RGS8: variants seen among roughly 807,000 people sequenced by gnomAD.
The protein encoded by RGS8 is regulator of G protein signaling 8, also known as regulator of G-protein signaling 8.
Under a neutral mutation model 21.7 loss-of-function variants are expected in RGS8, and 8 were observed. That is an observed-to-expected ratio of 0.37 (90% confidence interval 0.22 to 0.66). The LOEUF (loss-of-function observed/expected upper bound fraction) is 0.66, where lower values mean the gene tolerates loss of function less well. RGS8 is among the 30% of genes least tolerant of loss of function. RGS8 has a pLI of 0.59. For missense variants in RGS8, 157 were observed against 217.9 expected (o/e 0.72, Z 1.76); for synonymous variants, 80 against 83.6 (o/e 0.96, Z 0.24).
chr1:182,670,820 T>A (rs1202146513), intron 2 of RGS8, among the ~76,000 whole-genome samples: 1 of 152,200 alleles, frequency 6.6e-6, no homozygotes, highest in East Asian at 1.9e-4. Context: ...CGGATTGTGT[T>A]CCCTGGCTGC....
chr1:182,670,631 T>C (rs1664111742), intron 2 of RGS8, among the ~76,000 whole-genome samples: 3 of 152,212 alleles, frequency 2.0e-5, no homozygotes, highest in Non-Finnish European at 4.4e-5. Context: ...CTAATTTAGA[T>C]AGATAAGACT....
the RGS8 span, among the ~76,000 whole-genome samples, chr1:182,710,412 G>A: frequency 3.4e-4 from 51 of 152,190 alleles, no homozygotes; most frequent in Admixed American, 8.5e-4. Flanking sequence ...CTCTATTCCT[G>A]AGCATAACCC....
chr1:182,709,847 C>A, the RGS8 span, among the ~76,000 whole-genome samples: 11 of 152,302 alleles, frequency 7.2e-5, no homozygotes, highest in East Asian at 1.9e-3. Flanking sequence ...TAAAAATTAC[C>A]TATCCCTTAG....
At chr1:182,666,438 T>C (rs777705339) in intron 4 of RGS8, among the ~76,000 whole-genome samples, 18 of 152,226 alleles carry the variant, frequency 1.2e-4, no homozygotes, top group Non-Finnish European at 2.4e-4. Context: ...CATTACATAG[T>C]TGTGTGAGGG....
chr1:182,720,811 G>T, the RGS8 span, among the ~76,000 whole-genome samples: 1 of 150,754 alleles, frequency 6.6e-6, no homozygotes, highest in Non-Finnish European at 1.5e-5. Context: ...GTGATTGCGT[G>T]CATGTATGTG....
the RGS8 span, among the ~76,000 whole-genome samples, chr1:182,742,753 C>G: frequency 1.3e-5 from 2 of 151,418 alleles, no homozygotes; most frequent in South Asian, 4.2e-4. Context: ...GGGAGAGGGA[C>G]AGGGACAGGG....
intron 1 of RGS8, among the ~76,000 whole-genome samples, chr1:182,679,661 T>A (rs894389817): frequency 6.6e-6 from 1 of 152,096 alleles, no homozygotes; most frequent in African/African-American, 2.4e-5. Flanking sequence ...CACCAATAGC[T>A]CCCAATCATG....
chr1:182,651,918 G>T (rs543210114), intron 5 of RGS8, among the ~76,000 whole-genome samples: 6 of 152,354 alleles, frequency 3.9e-5, no homozygotes, highest in South Asian at 2.1e-4. Context: ...GCAAGGGGGG[G>T]ACTCTGAGCA....
the RGS8 span, among the ~76,000 whole-genome samples, chr1:182,718,907 C>T: frequency 6.6e-6 from 1 of 152,160 alleles, no homozygotes; most frequent in East Asian, 1.9e-4. Flanking sequence ...ACAAATCTTA[C>T]TGTAATAGCG....
exon 6 of RGS8, chr1:182,648,286 G>A (rs778638489): frequency 8.1e-6 from 13 of 1,613,082 alleles, no homozygotes; most frequent in East Asian, 2.2e-5. Flanking sequence ...AAGAAGGCAC[G>A]GAATGCAGCC....
At chr1:182,685,983 G>T (rs569476726), upstream of RGS8, among the ~76,000 whole-genome samples, 2 of 152,264 alleles carry the variant, frequency 1.3e-5, no homozygotes, top group African/African-American at 2.4e-5. Flanking sequence ...AATGCTGGGG[G>T]AGCACGGAGG....
chr1:182,726,024 C>T, the RGS8 span, among the ~76,000 whole-genome samples: 1 of 152,160 alleles, frequency 6.6e-6, no homozygotes, highest in Non-Finnish European at 1.5e-5. Flanking sequence ...CTGCTATTAG[C>T]ACTGCTTAAA....
the RGS8 span, among the ~76,000 whole-genome samples, chr1:182,725,542 T>TGAG: frequency 6.6e-6 from 1 of 151,974 alleles, no homozygotes; most frequent in African/African-American, 2.4e-5. Context: ...GGGACAGGAA[T>TGAG]GAGGATGAGT....
chr1:182,697,176 G>T, the RGS8 span, among the ~76,000 whole-genome samples: 1 of 152,344 alleles, frequency 6.6e-6, no homozygotes. Context: ...GAGAAAAGTT[G>T]CAGTCATGTT....
At chr1:182,737,174 T>C in the RGS8 span, among the ~76,000 whole-genome samples, 1 of 152,106 alleles carries the variant, frequency 6.6e-6, no homozygotes, top group African/African-American at 2.4e-5. Flanking sequence ...CATTCCTCTT[T>C]GGTGTCTAAT....
At chr1:182,742,228 G>A in the RGS8 span, among the ~76,000 whole-genome samples, 80 of 150,550 alleles carry the variant, frequency 5.3e-4, no homozygotes, top group Middle Eastern at 3.4e-3. Context: ...GATGGCGGCC[G>A]GGCAGAGATG....
At chr1:182,728,596 G>A in the RGS8 span, among the ~76,000 whole-genome samples, 5 of 152,068 alleles carry the variant, frequency 3.3e-5, no homozygotes, top group Non-Finnish European at 7.4e-5. Flanking sequence ...GGGATTAAGA[G>A]GCAAGGTCCA....
chr1:182,744,289 C>A, the RGS8 span, among the ~76,000 whole-genome samples: 40 of 151,004 alleles, frequency 2.6e-4, no homozygotes, highest in South Asian at 1.9e-3. Flanking sequence ...ATCTGGCTAA[C>A]TAAAAAAAAA....
chr1:182,746,356 T>A, the RGS8 span, among the ~76,000 whole-genome samples: 1 of 152,158 alleles, frequency 6.6e-6, no homozygotes, highest in African/African-American at 2.4e-5. Context: ...TATATGATGA[T>A]GTCAAGAGTA....
Sources: gnomAD v4.1 joint callset for allele counts (sites outside exome capture counted in the v4.1 genomes callset) on GRCh38, gnomAD v4.1.1 for gene constraint, MANE v1.5 for transcripts, NCBI Gene and HGNC (gene_info 2026-07-23, HGNC 2026-07-21) for gene names.